Variants in ZNF277 observed in about 807,000 individuals in gnomAD.
ZNF277 encodes the protein nuclear receptor-interacting factor 4.
A neutral mutation model predicts 60.7 loss-of-function variants in ZNF277; 55 were observed. The ratio of observed to expected loss-of-function variants is 0.91; its 90% CI spans 0.73 to 1.13. ZNF277 has a LOEUF of 1.13. ZNF277 is among the 50% of genes most tolerant of loss of function. The probability of loss-of-function intolerance (pLI) is 0.00; values close to 1 mark genes in which losing one functional copy is unlikely to be tolerated. For missense variants in ZNF277, 510 were observed against 523.0 expected (o/e 0.98, Z 0.24); for synonymous variants, 178 against 179.3 (o/e 0.99, Z 0.06).
intron 1 of ZNF277, among the ~76,000 whole-genome samples, chr7:112,231,600 C>G (rs1294460653): frequency 6.6e-6 from 1 of 151,642 alleles, no homozygotes; most frequent in Admixed American, 6.6e-5. Context: ...CTCCTTCCAT[C>G]TCCCCATCCT....
At chr7:112,314,038 C>A (rs1023384503) in intron 4 of ZNF277, among the ~76,000 whole-genome samples, 1 of 151,952 alleles carries the variant, frequency 6.6e-6, no homozygotes, top group African/African-American at 2.4e-5. Flanking sequence ...GAAGACCAAG[C>A]AATATAGATG....
chr7:112,302,311 AGAT>A (rs1469639599), intron 4 of ZNF277, among the ~76,000 whole-genome samples: 1 of 152,122 alleles, frequency 6.6e-6, no homozygotes, highest in African/African-American at 2.4e-5. Context: ...CCCACTGAGA[AGAT>A]TGTTCTTCCT....
chr7:112,276,547 TAAATTTTTGTTGTAGAC>T (rs1791797826), intron 1 of ZNF277, among the ~76,000 whole-genome samples: 1 of 152,186 alleles, frequency 6.6e-6, no homozygotes, highest in South Asian at 2.1e-4. Flanking sequence ...TTTTCTCAAA[TAAATTTTTGTTGTAGAC>T]AGGATGCAGT....
At chr7:112,286,776 A>C in intron 1 of ZNF277, 97 bp from the exon 2 acceptor site, 1 of 1,005,516 alleles carries the variant, frequency 9.9e-7, no homozygotes, top group Non-Finnish European at 1.4e-6. Flanking sequence ...TATCTTTAGG[A>C]TCTTTTTAAT....
chr7:112,291,650 C>CT (rs372241483), intron 2 of ZNF277, among the ~76,000 whole-genome samples: 2 of 152,250 alleles, frequency 1.3e-5, no homozygotes, highest in East Asian at 3.9e-4. Flanking sequence ...GAAGCATGTA[C>CT]TGAAGATCTG....
At chr7:112,257,304 C>G (rs560757033) in intron 1 of ZNF277, among the ~76,000 whole-genome samples, 88 of 152,210 alleles carry the variant, frequency 5.8e-4, no homozygotes, top group African/African-American at 1.9e-3. Flanking sequence ...GGTGGTAGAA[C>G]CAGAAGAATA....
intron 1 of ZNF277, among the ~76,000 whole-genome samples, chr7:112,286,065 GC>G (rs1268195085): frequency 6.6e-6 from 1 of 152,076 alleles, no homozygotes; most frequent in Non-Finnish European, 1.5e-5. Flanking sequence ...ACTAAAGGGG[GC>G]TACTGTCACG....
intron 1 of ZNF277, among the ~76,000 whole-genome samples, chr7:112,208,338 C>T (rs1036601006): frequency 6.6e-6 from 1 of 151,978 alleles, no homozygotes; most frequent in African/African-American, 2.4e-5. Context: ...TCCACCACTG[C>T]ACTCCAGCCT....
At chr7:112,313,284 T>A (rs539793046) in intron 4 of ZNF277, among the ~76,000 whole-genome samples, 1 of 126,290 alleles carries the variant, frequency 7.9e-6, no homozygotes, top group Non-Finnish European at 1.5e-5. Flanking sequence ...GTTTTAAAAT[T>A]TTTTTTTTTT....
At chr7:112,319,751 C>T (rs999925806) in intron 5 of ZNF277, among the ~76,000 whole-genome samples, 20 of 150,442 alleles carry the variant, frequency 1.3e-4, no homozygotes, top group African/African-American at 4.4e-4. Context: ...ATGTTCAAAA[C>T]ACCAGTGGTA....
intron 1 of ZNF277, among the ~76,000 whole-genome samples, chr7:112,230,791 T>G (rs1822303530): frequency 6.6e-6 from 1 of 152,270 alleles, no homozygotes; most frequent in Non-Finnish European, 1.5e-5. Context: ...TATTTTTGTT[T>G]TGATCCATGC....
At position 112,237,696 on chromosome 7, in the gene ZNF277, CA is replaced by C. The variant is rs1039619489; in HGVS notation, c.91+30896del. Reference sequence around the variant, plus strand: ...AGTAATAAAAATCTCCCAAAAGCAACAAAAAAAGCCCAGGACCATATGGTTT... The same window carrying C: ...AGTAATAAAAATCTCCCAAAAGCAACAAAAAAGCCCAGGACCATATGGTTT... On this transcript the variant is annotated intron_variant, in intron 1 of 11. Coordinates refer to ENST00000361822, the MANE Select transcript of ZNF277 (RefSeq NM_021994.3). Among the ~76,000 whole-genome samples the C allele has an allele frequency of 4.0e-5, 6 of 151,878 alleles. No individual in the cohort carries two copies. In the East Asian group the frequency reaches 9.7e-4, roughly 24 times the overall value.
chr7:112,240,648 A>T (rs1183932225), intron 1 of ZNF277, among the ~76,000 whole-genome samples: 1 of 152,156 alleles, frequency 6.6e-6, no homozygotes, highest in East Asian at 1.9e-4. Context: ...ATGAAACAGA[A>T]TAGAGAACCC....
intron 1 of ZNF277, among the ~76,000 whole-genome samples, chr7:112,236,206 T>A (rs1430568286): frequency 2.0e-5 from 3 of 152,122 alleles, no homozygotes; most frequent in Non-Finnish European, 4.4e-5. Context: ...TTTCAAGATA[T>A]CTTTGACATA....
At chr7:112,279,244 C>G (rs112428609) in intron 1 of ZNF277, among the ~76,000 whole-genome samples, 2,108 of 152,210 alleles carry the variant, frequency 0.014, 56 homozygotes, top group African/African-American at 0.047. Context: ...TATGATAGTT[C>G]TATTTTTAAT....
chr7:112,337,754 C>A lies in ZNF277; in HGVS notation c.894C>A (p.His298Gln). ...QEDDWSDWEE[H>Q]PASAVCLFCE... ...GTGACTGGTCTGATTGGGAAGAACA[C>A]CCTGCCTCTGCAGTCTGCTTATTTT... Residue 298 changes from histidine (H) to glutamine (Q), a missense_variant, in exon 9 of 12, where the codon CAC becomes CAA. Coordinates refer to ENST00000361822, the MANE Select transcript of ZNF277 (RefSeq NM_021994.3). 6.2e-7 allele frequency: 1 copy of A among 1,612,436 alleles called. No homozygotes were observed. The highest frequency in any genetic ancestry group is 1.1e-5 in the South Asian group (1 of 91,048).
chr7:112,318,079 C>T lies in ZNF277; in HGVS notation c.466-103C>T. The T allele has an allele frequency of 4.6e-6, 4 of 864,812 alleles. No individual in the cohort carries two copies. In the East Asian group the frequency reaches 1.0e-4, roughly 22 times the overall value. The allele number at this position is 864,812 out of a possible 1,614,324, so 53.6% of individuals were successfully genotyped here. A position where few individuals can be genotyped will look rare whatever the true frequency, so the allele number is the denominator to read the frequency against. ...GAAATGTTGGCAACTTTTATATACT[C>T]CCTTTATGCTTCCAGCCCAGTTTCC... On this transcript the variant is annotated intron_variant, in intron 4 of 11. Transcript: ENST00000361822.
intron 1 of ZNF277, among the ~76,000 whole-genome samples, chr7:112,239,123 C>T (rs1020007939): frequency 2.0e-5 from 3 of 152,118 alleles, no homozygotes; most frequent in African/African-American, 7.2e-5. Context: ...AGCACATTCC[C>T]AGCTATGGTG....
At position 112,306,212 on chromosome 7, in the gene ZNF277, CTTTTTTTTTT is replaced by C. The variant is rs555931160; in HGVS notation, c.465+9912_465+9921del. ...CTCTCCTCTGAGATTTCTGAATGTT[CTTTTTTTTTT>C]TTTTTTTTTTGAGATGGAGTCTCGC... On this transcript the variant is annotated intron_variant, in intron 4 of 11. Transcript: ENST00000361822. Among the ~76,000 whole-genome samples, 7 of 116,934 alleles carry C rather than the reference CTTTTTTTTTT, an allele frequency of 6.0e-5. 1 individual carries two copies. Among genetic ancestry groups the C allele is most frequent in the Non-Finnish European group, 1.2e-4 (7 of 57,698 alleles). 76.7% of individuals were successfully genotyped at this position (116,934 alleles called of 152,430 possible).
Sources: allele counts gnomAD v4.1 joint callset (sites outside exome capture counted in the v4.1 genomes callset), GRCh38; gene constraint gnomAD v4.1.1; transcripts MANE v1.5; gene names NCBI Gene and HGNC (gene_info 2026-07-23, HGNC 2026-07-21).